Variants in MTSS2 observed in about 807,000 individuals in gnomAD.
The protein encoded by MTSS2 is protein MTSS 2.
MTSS2 carries 27 observed loss-of-function variants against 67.1 expected under a neutral mutation model. The ratio of observed to expected loss-of-function variants is 0.40; its 90% confidence interval spans 0.30 to 0.55. MTSS2 has a LOEUF of 0.55. Ranked by LOEUF, MTSS2 falls within the 20% of genes least tolerant of loss-of-function variation. MTSS2 has a pLI of 0.43. For synonymous variants in MTSS2, 624 were observed against 468.6 expected (o/e 1.33, Z -4.28); for missense variants, 1,171 against 1,067.8 (o/e 1.10, Z -1.35).
Position 70,663,448 on chromosome 16 carries a change from A to AC in MTSS2, c.*228dup, listed in dbSNP as rs1163980405. 13 of 731,748 alleles carry AC rather than the reference A, an allele frequency of 1.8e-5. No individual in the cohort carries two copies. Among genetic ancestry groups the AC allele is most frequent in the Non-Finnish European group, 2.7e-5 (13 of 475,516 alleles). 45.3% of individuals were successfully genotyped at this position (731,748 alleles called of 1,614,324 possible). On this transcript the variant is annotated 3_prime_UTR_variant, in exon 15 of 15. Coordinates refer to ENST00000338779, the MANE Select transcript of MTSS2 (RefSeq NM_138383.3). Reference sequence around the variant, plus strand: ...GGAGGGACCGAAGAGCATAAAACAGACCCCGAACCAGGCCCAGGCCTGCAG... The same window carrying AC: ...GGAGGGACCGAAGAGCATAAAACAGACCCCCGAACCAGGCCCAGGCCTGCAG...
At chr16:70,684,319 C>T (rs906313615) in intron 1 of MTSS2, among the ~76,000 whole-genome samples, 2 of 151,712 alleles carry the variant, frequency 1.3e-5, no homozygotes, top group African/African-American at 2.4e-5. Flanking sequence ...GCGGAGGGGC[C>T]CAGATGTACA....
At chr16:70,672,045 C>T (rs560988414) in intron 11 of MTSS2, among the ~76,000 whole-genome samples, 2 of 152,170 alleles carry the variant, frequency 1.3e-5, no homozygotes, top group Admixed American at 6.5e-5. Context: ...GACACCAACA[C>T]GAAACACTAT....
chr16:70,668,691 C>G (rs947470478), intron 11 of MTSS2, among the ~76,000 whole-genome samples: 2 of 152,186 alleles, frequency 1.3e-5, no homozygotes, highest in Non-Finnish European at 2.9e-5. Context: ...GTGGAGCCCT[C>G]ATTAAAGGTT....
chr16:70,669,398 G>A (rs1004825916), intron 11 of MTSS2, among the ~76,000 whole-genome samples: 3 of 152,212 alleles, frequency 2.0e-5, no homozygotes, highest in Non-Finnish European at 4.4e-5. Flanking sequence ...GGTATGAAAA[G>A]GTAGCTGGGT....
rs1024227108 is a variant in MTSS2 at position 70,662,561 on chromosome 16, C to T, written c.*1116G>A. On this transcript the variant is annotated 3_prime_UTR_variant, in exon 15 of 15. Coordinates refer to ENST00000338779, the MANE Select transcript of MTSS2 (RefSeq NM_138383.3). ...AGCAGACAGGCCGGGAGCCTCCCAACCTTATTTTGGCTACGCTCGAGACAC... is the reference window on the plus strand; with the variant it reads ...AGCAGACAGGCCGGGAGCCTCCCAATCTTATTTTGGCTACGCTCGAGACAC... 1 of 152,472 alleles carries T rather than the reference C, an allele frequency of 6.6e-6. No individual in the cohort carries two copies. The highest frequency in any genetic ancestry group is 1.5e-5 in the Non-Finnish European group (1 of 68,136). The allele number at this position is 152,472 out of a possible 1,614,324, so 9.4% of individuals were successfully genotyped here.
rs747935008 is a variant in MTSS2 at position 70,663,821 on chromosome 16, C to T, written c.2100G>A (p.Ser700=). The change falls in exon 15 of 15, where the codon TCG becomes TCA. Residue 700 remains serine (S), a synonymous_variant. Coordinates refer to ENST00000338779, the MANE Select transcript of MTSS2 (RefSeq NM_138383.3). ...EGQFPFPTAL[S]ATPTEETPTP... ...TGGGCGTCTCCTCCGTGGGGGTGGC[C>T]GACAGAGCAGTGGGGAAGGGGAACT... The T allele has an allele frequency of 3.5e-5, 53 of 1,530,118 alleles. No individual in the cohort carries two copies. The highest frequency in any genetic ancestry group is 2.1e-4 in the Middle Eastern group (1 of 4,706). 94.8% of individuals were successfully genotyped at this position (1,530,118 alleles called of 1,614,324 possible).
chr16:70,685,762 G>T lies in MTSS2; in HGVS notation c.30C>A (p.Ala10=). 7.2e-7 allele frequency: 1 copy of T among 1,392,968 alleles called. No individual in the cohort carries two copies. Among genetic ancestry groups the T allele is most frequent in the Non-Finnish European group, 9.5e-7 (1 of 1,054,000 alleles). 86.3% of individuals were successfully genotyped at this position (1,392,968 alleles called of 1,614,324 possible). METAEKECG[A]LGGLFQAIVN... ...CTATGGCCTGGAAGAGCCCGCCCAG[G>T]GCGCCGCACTCCTTCTCCGCCGTCT... is the stretch of plus-strand genomic sequence containing the variant. The change falls in exon 1 of 15, where the codon GCC becomes GCA. Residue 10 remains alanine, a synonymous_variant. Coordinates refer to ENST00000338779, the MANE Select transcript of MTSS2 (RefSeq NM_138383.3).
In MTSS2 at chr16:70,685,804, C is replaced by T; in HGVS notation, c.-13G>A. ...CCGCCGTCTCCATGCTCTGGCTGGG[C>T]CGGGCCGCGGCGGCGGCTAGGCGCA... On this transcript the variant is annotated 5_prime_UTR_variant, in exon 1 of 15. Transcript: ENST00000338779. The T allele has an allele frequency of 1.5e-6, 2 of 1,314,562 alleles. No homozygotes were observed. The highest frequency in any genetic ancestry group is 2.0e-6 in the Non-Finnish European group (2 of 1,013,276). 81.4% of individuals were successfully genotyped at this position (1,314,562 alleles called of 1,614,324 possible). A position where few individuals can be genotyped will look rare whatever the true frequency, so the allele number is the denominator to read the frequency against.
At chr16:70,667,368 T>G (rs2052755776) in intron 11 of MTSS2, among the ~76,000 whole-genome samples, 1 of 150,492 alleles carries the variant, frequency 6.6e-6, no homozygotes, top group Non-Finnish European at 1.5e-5. Context: ...TTATTAGAAT[T>G]AGTAAGGGGT....
intron 1 of MTSS2, among the ~76,000 whole-genome samples, chr16:70,684,091 G>A (rs945185645): frequency 6.6e-6 from 1 of 152,232 alleles, no homozygotes; most frequent in African/African-American, 2.4e-5. Flanking sequence ...GAGGGAGAGA[G>A]ACTGTCCTAG....
At chr16:70,671,663 G>A (rs1274328459) in intron 11 of MTSS2, among the ~76,000 whole-genome samples, 1 of 152,136 alleles carries the variant, frequency 6.6e-6, no homozygotes, top group Non-Finnish European at 1.5e-5. Context: ...AGGAGAAACA[G>A]GACATTTTCA....
At chr16:70,684,573 C>A (rs1400653248) in intron 1 of MTSS2, among the ~76,000 whole-genome samples, 1 of 152,134 alleles carries the variant, frequency 6.6e-6, no homozygotes, top group Non-Finnish European at 1.5e-5. Flanking sequence ...GGTGGTGTCA[C>A]CCCCATCCCT....
chr16:70,681,860 A>G (rs1444596404), intron 1 of MTSS2, among the ~76,000 whole-genome samples: 1 of 152,190 alleles, frequency 6.6e-6, no homozygotes, highest in Non-Finnish European at 1.5e-5. Context: ...GGTCCTGGAG[A>G]AACCTCAGCC....
chr16:70,670,436 A>G (rs1384112108), intron 11 of MTSS2, among the ~76,000 whole-genome samples: 4 of 152,248 alleles, frequency 2.6e-5, no homozygotes, highest in Non-Finnish European at 4.4e-5. Flanking sequence ...GCCCCACAGA[A>G]CTGCATACTA....
chr16:70,666,839 T>C (rs2052733555), intron 11 of MTSS2, among the ~76,000 whole-genome samples: 1 of 152,208 alleles, frequency 6.6e-6, no homozygotes, highest in Admixed American at 6.5e-5. Context: ...TGATAAAGAA[T>C]ATCTACAAAT....
intron 13 of MTSS2, 21 bp downstream of exon 13, chr16:70,664,898 AG>A (rs773104254): frequency 6.5e-7 from 1 of 1,529,432 alleles, no homozygotes; most frequent in Non-Finnish European, 8.8e-7. Context: ...CTGGGCGTGA[AG>A]GGGGGCCCTG....
Position 70,685,798 on chromosome 16 carries a change from G to A in MTSS2, c.-7C>T. On this transcript the variant is annotated 5_prime_UTR_variant, in exon 1 of 15. Transcript: ENST00000338779. Reference sequence around the variant, plus strand: ...CCTTCTCCGCCGTCTCCATGCTCTGGCTGGGCCGGGCCGCGGCGGCGGCTA... The same window carrying A: ...CCTTCTCCGCCGTCTCCATGCTCTGACTGGGCCGGGCCGCGGCGGCGGCTA... 1.5e-6 allele frequency: 2 copies of A among 1,329,696 alleles called. No individual in the cohort carries two copies. Among genetic ancestry groups the A allele is most frequent in the South Asian group, 3.0e-5 (2 of 66,478 alleles). The allele number at this position is 1,329,696 out of a possible 1,614,324, so 82.4% of individuals were successfully genotyped here. A position where few individuals can be genotyped will look rare whatever the true frequency, so the allele number is the denominator to read the frequency against.
chr16:70,680,926 C>T, intron 2 of MTSS2, 38 bp downstream of exon 2: 2 of 1,564,520 alleles, frequency 1.3e-6, no homozygotes, highest in Middle Eastern at 3.4e-4. Context: ...GGGCCTCTGC[C>T]TGCCCCTCCC....
chr16:70,679,270 G>C (rs1312634187), intron 7 of MTSS2, 45 bp downstream of exon 7: 3 of 1,611,370 alleles, frequency 1.9e-6, no homozygotes, highest in South Asian at 2.2e-5. Flanking sequence ...AGACAAATGC[G>C]ACAAGGACGG....
Sources: gnomAD v4.1 joint callset for allele counts (sites outside exome capture counted in the v4.1 genomes callset) on GRCh38, gnomAD v4.1.1 for gene constraint, MANE v1.5 for transcripts, NCBI Gene and HGNC (gene_info 2026-07-23, HGNC 2026-07-21) for gene names.